Variants in CCSER1 observed in about 807,000 individuals in gnomAD.
CCSER1 encodes coiled-coil serine rich protein 1.
Under a neutral mutation model 82.0 loss-of-function variants are expected in CCSER1, and 41 were observed. The ratio of observed to expected loss-of-function variants is 0.50; its 90% CI spans 0.39 to 0.65. The LOEUF (loss-of-function observed/expected upper bound fraction) is 0.65. CCSER1 is among the 30% of genes least tolerant of loss of function. The pLI is 0.00. For missense variants in CCSER1, 1,119 were observed against 1,064.2 expected, an observed-to-expected ratio of 1.05 and a Z score of -0.72; for synonymous variants, 414 against 383.9, an observed-to-expected ratio of 1.08 and a Z score of -0.92.
intron 4 of CCSER1, among the ~76,000 whole-genome samples, chr4:90,438,366 T>G (rs1251094458): frequency 6.6e-6 from 1 of 152,176 alleles, no homozygotes; most frequent in Non-Finnish European, 1.5e-5. Context: ...ACTAAGATCC[T>G]TTCAAAGGCT....
chr4:90,419,277 A>G (rs1355780348), intron 4 of CCSER1, among the ~76,000 whole-genome samples: 2 of 151,958 alleles, frequency 1.3e-5, no homozygotes, highest in Non-Finnish European at 2.9e-5. Context: ...AATACCTGTT[A>G]TCTGCTTGGT....
rs1561536704 is a variant in CCSER1, at chr4:91,085,950, G to A, written c.2173G>A (p.Gly725Ser). The change falls in exon 10 of 11, where the codon GGT becomes AGT. Residue 725 changes from glycine (G) to serine (S), a missense_variant and splice_region_variant. By Grantham distance (56) the Gly-to-Ser change is moderately conservative. Coordinates refer to ENST00000509176, the MANE Select transcript of CCSER1 (RefSeq NM_001145065.2). ...AATATACTTTGCTTTTCTTTTTCAG[G>A]GTTTAAACTTGAAAAGACTAGAGAC... is the stretch of plus-strand genomic sequence containing the variant. ...STQTELLCYD[G>S]LNLKRLETVQ... The A allele has an allele frequency of 2.0e-6, 3 of 1,508,794 alleles. No homozygotes were observed. The highest frequency in any genetic ancestry group is 2.7e-6 in the Non-Finnish European group (3 of 1,109,484). The allele number at this position is 1,508,794 out of a possible 1,614,324, so 93.5% of individuals were successfully genotyped here.
intron 10 of CCSER1, among the ~76,000 whole-genome samples, chr4:91,254,219 C>G (rs141590725): frequency 3.6e-4 from 55 of 152,196 alleles, no homozygotes; most frequent in African/African-American, 1.2e-3. Flanking sequence ...ATCTAACAGA[C>G]GTATACACAG....
intron 9 of CCSER1, among the ~76,000 whole-genome samples, chr4:90,957,503 T>A (rs1016919749): frequency 8.0e-6 from 1 of 124,340 alleles, no homozygotes; most frequent in Non-Finnish European, 1.7e-5. Flanking sequence ...TTATATAATA[T>A]TATATAATAT....
At chr4:90,385,328 C>T (rs891852651) in intron 3 of CCSER1, among the ~76,000 whole-genome samples, 2 of 149,946 alleles carry the variant, frequency 1.3e-5, no homozygotes, top group Non-Finnish European at 3.0e-5. Flanking sequence ...ACAGGTTGTA[C>T]TAATTTACAT....
intron 4 of CCSER1, among the ~76,000 whole-genome samples, chr4:90,429,024 C>T (rs1362703442): frequency 6.6e-6 from 1 of 151,604 alleles, no homozygotes; most frequent in Non-Finnish European, 1.5e-5. Context: ...TTCTTTGAAA[C>T]AAATGTATCA....
chr4:91,149,959 C>A (rs1158899685), intron 10 of CCSER1, among the ~76,000 whole-genome samples: 2 of 152,104 alleles, frequency 1.3e-5, no homozygotes, highest in African/African-American at 4.8e-5. Context: ...CTTGGCAATG[C>A]AGGCTTTTTT....
intron 10 of CCSER1, among the ~76,000 whole-genome samples, chr4:91,209,022 T>A (rs1233031826): frequency 6.6e-6 from 1 of 151,980 alleles, no homozygotes; most frequent in Non-Finnish European, 1.5e-5. Flanking sequence ...TTGGGTGCTG[T>A]TAGTGTATAG....
chr4:90,188,103 C>A (rs1268220686), intron 1 of CCSER1, among the ~76,000 whole-genome samples: 3 of 151,860 alleles, frequency 2.0e-5, no homozygotes, highest in Non-Finnish European at 4.4e-5. Context: ...CGTGTTTAAA[C>A]AATTCTTTAA....
At chr4:90,351,603 G>A (rs888416416) in intron 3 of CCSER1, among the ~76,000 whole-genome samples, 6 of 151,804 alleles carry the variant, frequency 4.0e-5, no homozygotes, top group African/African-American at 1.2e-4. Context: ...TTCAACAATA[G>A]TGTAAAAAAA....
intron 9 of CCSER1, among the ~76,000 whole-genome samples, chr4:90,966,607 A>G (rs1450515961): frequency 6.6e-6 from 1 of 152,182 alleles, no homozygotes. Flanking sequence ...AGTCCTTCAG[A>G]CTGAAAGAGA....
intron 10 of CCSER1, among the ~76,000 whole-genome samples, chr4:91,334,248 A>C (rs1747164353): frequency 6.6e-6 from 1 of 152,046 alleles, no homozygotes; most frequent in Non-Finnish European, 1.5e-5. Flanking sequence ...TTATCTAACC[A>C]AAACTCTCTT....
intron 1 of CCSER1, among the ~76,000 whole-genome samples, chr4:90,305,315 T>G (rs1368235617): frequency 6.6e-6 from 1 of 152,198 alleles, no homozygotes; most frequent in African/African-American, 2.4e-5. Flanking sequence ...TAATGATGGT[T>G]GACATCTTGA....
rs542707376 is a variant in CCSER1, at chr4:90,721,622, T to C, written c.1933-2292T>C. Among the ~76,000 whole-genome samples the C allele has an allele frequency of 4.9e-4, 74 of 151,926 alleles. 1 individual carries two copies. In the South Asian group the frequency reaches 0.014, roughly 29 times the overall value. ...GTAACTTAAGTATTTTATTTAGATA[T>C]TAAATTGTATCAGTATTGCTATTGT... On this transcript the variant is annotated intron_variant, in intron 6 of 10. Coordinates refer to ENST00000509176, the MANE Select transcript of CCSER1 (RefSeq NM_001145065.2).
intron 6 of CCSER1, among the ~76,000 whole-genome samples, chr4:90,682,209 A>G (rs968892099): frequency 2.0e-5 from 3 of 151,866 alleles, no homozygotes; most frequent in Admixed American, 6.6e-5. Flanking sequence ...TTATACTTAT[A>G]AATTATAATA....
intron 8 of CCSER1, among the ~76,000 whole-genome samples, chr4:90,895,822 A>G (rs1325514069): frequency 6.6e-6 from 1 of 151,906 alleles, no homozygotes; most frequent in Non-Finnish European, 1.5e-5. Context: ...ATAGCCAGTG[A>G]CCAGACCATG....
chr4:90,507,914 A>G (rs577065781), intron 5 of CCSER1, among the ~76,000 whole-genome samples: 7 of 152,056 alleles, frequency 4.6e-5, no homozygotes, highest in African/African-American at 1.7e-4. Flanking sequence ...TTTATTTTAT[A>G]TAGATATTTT....
At position 90,646,969 on chromosome 4, in the gene CCSER1, C is replaced by T. The variant is rs187790873; in HGVS notation, c.1932+18737C>T. On this transcript the variant is annotated intron_variant, in intron 6 of 10. Transcript: ENST00000509176. Reference sequence around the variant, plus strand: ...ATACCCTCATCCCCCCACCCCAACACACATCCTTTTCATTTTAAATGATAG... The same window carrying T: ...ATACCCTCATCCCCCCACCCCAACATACATCCTTTTCATTTTAAATGATAG... Among the ~76,000 whole-genome samples the T allele has an allele frequency of 9.2e-5, 14 of 152,212 alleles. No homozygotes were observed. In the East Asian group the frequency reaches 1.5e-3, roughly 17 times the overall value.
At chr4:90,582,236 A>C (rs546522216) in intron 5 of CCSER1, among the ~76,000 whole-genome samples, 100 of 152,326 alleles carry the variant, frequency 6.6e-4, no homozygotes, top group Non-Finnish European at 1.2e-3. Context: ...TCGAGGATTC[A>C]GAGCTCATTC....
Sources: gnomAD v4.1 joint callset for allele counts (sites outside exome capture counted in the v4.1 genomes callset) on GRCh38, gnomAD v4.1.1 for gene constraint, MANE v1.5 for transcripts, NCBI Gene and HGNC (gene_info 2026-07-23, HGNC 2026-07-21) for gene names.